Variants in FIGN observed in about 807,000 individuals in gnomAD.
FIGN encodes the protein fidgetin, microtubule severing factor, also known as fidgetin.
A neutral mutation model predicts 51.3 loss-of-function variants in FIGN; 11 were observed. The observed-to-expected ratio is 0.21, with a 90% CI of 0.13 to 0.35. The LOEUF (loss-of-function observed/expected upper bound fraction) is 0.35, where lower values mean the gene tolerates loss of function less well. FIGN is among the 10% of genes least tolerant of loss of function. The pLI is 1.00. For synonymous variants in FIGN, 407 were observed against 363.2 expected, an observed-to-expected ratio of 1.12 and a Z score of -1.37; for missense variants, 857 against 943.6, an observed-to-expected ratio of 0.91 and a Z score of 1.20.
intron 2 of FIGN, among the ~76,000 whole-genome samples, chr2:163,633,477 C>T (rs939035160): frequency 1.6e-4 from 24 of 152,188 alleles, no homozygotes; most frequent in African/African-American, 5.5e-4. Context: ...GGATTCGAAA[C>T]CAGGCAGTCT....
intron 2 of FIGN, among the ~76,000 whole-genome samples, chr2:163,705,227 A>T (rs2105353219): frequency 6.6e-6 from 1 of 152,330 alleles, no homozygotes; most frequent in Non-Finnish European, 1.5e-5. Flanking sequence ...TGCAGCCCAC[A>T]GTGTGGGGAC....
intron 2 of FIGN, among the ~76,000 whole-genome samples, chr2:163,729,027 T>C (rs1684886074): frequency 6.6e-6 from 1 of 152,188 alleles, no homozygotes; most frequent in African/African-American, 2.4e-5. Context: ...ATCTGAGATG[T>C]TACTATTTCC....
chr2:163,697,714 A>G (rs187611999), intron 2 of FIGN, among the ~76,000 whole-genome samples: 2 of 152,268 alleles, frequency 1.3e-5, no homozygotes, highest in African/African-American at 4.8e-5. Context: ...CCAGTTGGTC[A>G]TGGGACCATA....
intron 2 of FIGN, among the ~76,000 whole-genome samples, chr2:163,630,781 G>T (rs1358923436): frequency 6.6e-6 from 1 of 151,868 alleles, no homozygotes; most frequent in Non-Finnish European, 1.5e-5. Flanking sequence ...TATATGGAAA[G>T]AAATGACTAC....
intron 2 of FIGN, among the ~76,000 whole-genome samples, chr2:163,704,415 T>G (rs1003734476): frequency 2.6e-5 from 4 of 152,052 alleles, no homozygotes; most frequent in Non-Finnish European, 4.4e-5. Flanking sequence ...TGTCAGGCAT[T>G]TCCTTGTGGG....
intron 2 of FIGN, among the ~76,000 whole-genome samples, chr2:163,643,840 G>A (rs532230743): frequency 4.8e-5 from 7 of 144,878 alleles, no homozygotes; most frequent in Non-Finnish European, 1.0e-4. Context: ...GCTGAGGCAG[G>A]ACAATCGCTT....
chr2:163,705,056 A>G (rs1684477178), intron 2 of FIGN, among the ~76,000 whole-genome samples: 1 of 152,158 alleles, frequency 6.6e-6, no homozygotes, highest in Non-Finnish European at 1.5e-5. Context: ...TTCTGTGACA[A>G]CTTTATAACA....
intron 2 of FIGN, among the ~76,000 whole-genome samples, chr2:163,717,800 T>G (rs1684692512): frequency 6.6e-6 from 1 of 152,180 alleles, no homozygotes; most frequent in East Asian, 1.9e-4. Context: ...ACTGGCTGCT[T>G]GGTACTTATT....
rs753130928 is a variant in FIGN at position 163,611,509 on chromosome 2, G to A, written c.323C>T (p.Pro108Leu). ...TTCTGAATTCAAGGAAGGCTGCCAG[G>A]GTTCACTTTCATTTTTCCGACCGTT... ...LVNGRKNESE[P>L]WQPSLNSEAV... The change falls in exon 3 of 3, where the codon CCC (proline) becomes CTC (leucine). Residue 108 changes from proline (P) to leucine (L), a missense_variant. By Grantham distance (98) the Pro-to-Leu change is moderately conservative (BLOSUM62 -3). This residue lies in a region of FIGN where 799 missense variants were observed against 849.5 expected (regional missense o/e 0.94). Coordinates refer to ENST00000333129, the MANE Select transcript of FIGN (RefSeq NM_018086.4). The A allele has an allele frequency of 1.2e-6, 2 of 1,614,176 alleles. No individual in the cohort carries two copies. The highest frequency in any genetic ancestry group is 2.2e-5 in the South Asian group (2 of 91,086).
At chr2:163,684,491 C>T (rs1342824855) in intron 2 of FIGN, among the ~76,000 whole-genome samples, 1 of 152,188 alleles carries the variant, frequency 6.6e-6, no homozygotes, top group Non-Finnish European at 1.5e-5. Context: ...AGTCAGGTAA[C>T]ACGTCCAAGT....
intron 2 of FIGN, among the ~76,000 whole-genome samples, chr2:163,733,942 C>CAAAAAA (rs36027114): frequency 2.0e-5 from 2 of 100,154 alleles, no homozygotes; most frequent in Admixed American, 1.0e-4. Context: ...TAGCAACAAC[C>CAAAAAA]AAAAAAAAAA....
intron 2 of FIGN, among the ~76,000 whole-genome samples, chr2:163,674,061 G>T (rs2105334843): frequency 6.6e-6 from 1 of 152,220 alleles, no homozygotes; most frequent in East Asian, 1.9e-4. Flanking sequence ...GCTGAATGCA[G>T]CTATTATACA....
chr2:163,707,995 T>G (rs1320994069), intron 2 of FIGN, among the ~76,000 whole-genome samples: 1 of 152,208 alleles, frequency 6.6e-6, no homozygotes, highest in African/African-American at 2.4e-5. Flanking sequence ...GTCTTTATGT[T>G]ACAATAGCAC....
intron 2 of FIGN, among the ~76,000 whole-genome samples, chr2:163,639,996 G>A (rs1683284250): frequency 6.6e-6 from 1 of 152,044 alleles, no homozygotes; most frequent in African/African-American, 2.4e-5. Context: ...GCTACCCTTA[G>A]TGCTACAGTT....
At chr2:163,613,196 G>A (rs941174288) in intron 2 of FIGN, among the ~76,000 whole-genome samples, 1 of 151,770 alleles carries the variant, frequency 6.6e-6, no homozygotes, top group African/African-American at 2.4e-5. Flanking sequence ...CCCATTGCTG[G>A]CTCATCTCAG....
intron 2 of FIGN, among the ~76,000 whole-genome samples, chr2:163,623,020 A>G (rs1180760059): frequency 6.6e-6 from 1 of 152,204 alleles, no homozygotes; most frequent in Non-Finnish European, 1.5e-5. Context: ...AAGCAACACG[A>G]AAACCCAACT....
At position 163,607,277 on chromosome 2, in the gene FIGN, G is replaced by A. The variant is rs1027958221; in HGVS notation, c.*2275C>T. ...GATGCACAGGGTAGACCCAGAACAC[G>A]ATTGTAGCATTTATTCACTTGCGAA... On this transcript the variant is annotated 3_prime_UTR_variant, in exon 3 of 3. Transcript: ENST00000333129. 4 of 152,176 alleles carry A rather than the reference G, an allele frequency of 2.6e-5. No individual in the cohort carries two copies. The highest frequency in any genetic ancestry group is 5.9e-5 in the Non-Finnish European group (4 of 68,030). 9.4% of individuals were successfully genotyped at this position (152,176 alleles called of 1,614,324 possible). A position where few individuals can be genotyped will look rare whatever the true frequency, so the allele number is the denominator to read the frequency against.
At chr2:163,628,370 G>A (rs568834916) in intron 2 of FIGN, among the ~76,000 whole-genome samples, 132 of 152,266 alleles carry the variant, frequency 8.7e-4, no homozygotes, top group South Asian at 2.1e-3. Context: ...GCACGATGAA[G>A]CCAAGTATGC....
In FIGN at chr2:163,697,297, C is replaced by T. The variant is rs559001883; in HGVS notation, c.25+37606G>A. Among the ~76,000 whole-genome samples, 109 of 151,804 alleles carry T rather than the reference C, an allele frequency of 7.2e-4. 1 individual carries two copies. Among genetic ancestry groups the T allele is most frequent in the East Asian group, 3.3e-3 (17 of 5,106 alleles). ...TGTGTTTTTAGTAGAGACAGGGTTT[C>T]GCCAAGTTGGCCAGGCTGGTCTTGA... On this transcript the variant is annotated intron_variant, in intron 2 of 2. Transcript: ENST00000333129.
Sources: allele counts gnomAD v4.1 joint callset (sites outside exome capture counted in the v4.1 genomes callset), GRCh38; gene constraint gnomAD v4.1.1; regional missense constraint gnomAD v4.1.1; transcripts MANE v1.5; gene names NCBI Gene and HGNC (gene_info 2026-07-23, HGNC 2026-07-21).